DNAH3: variants seen among roughly 807,000 people sequenced by gnomAD.
The protein encoded by DNAH3 is dynein axonemal heavy chain 3.
In DNAH3, 332 loss-of-function variants were observed where a neutral mutation model predicts 432.5. The ratio of observed to expected loss-of-function variants is 0.77; its 90% confidence interval spans 0.70 to 0.84. DNAH3 has a LOEUF of 0.84. DNAH3 is among the 40% of genes least tolerant of loss of function. DNAH3 has a pLI of 0.00. For missense variants in DNAH3, 4,861 were observed against 5,114.0 expected, an observed-to-expected ratio of 0.95 and a Z score of 1.51; for synonymous variants, 1,956 against 1,900.2, an observed-to-expected ratio of 1.03 and a Z score of -0.76.
At chr16:21,088,674 C>A (rs954348227) in intron 18 of DNAH3, among the ~76,000 whole-genome samples, 18 of 152,154 alleles carry the variant, frequency 1.2e-4, no homozygotes, top group African/African-American at 4.1e-4. Context: ...AATTCTAACT[C>A]TGATCTTAAA....
In DNAH3 at chr16:21,115,833, T is replaced by C. The variant is rs370040167; in HGVS notation, c.1814+1370A>G. On this transcript the variant is annotated intron_variant, in intron 12 of 61. Transcript: ENST00000261383. ...GAATAGGGAAAACAGAGGTTTCAAA[T>C]AGAATCTCCCAAATCAAATTCACGA... Among the ~76,000 whole-genome samples the C allele has an allele frequency of 9.2e-5, 14 of 152,270 alleles. No individual in the cohort carries two copies. The South Asian group carries it at 2.7e-3, about 29-fold the overall frequency.
At chr16:21,048,734 C>A (rs1428626928) in intron 31 of DNAH3, among the ~76,000 whole-genome samples, 1 of 151,766 alleles carries the variant, frequency 6.6e-6, no homozygotes, top group Non-Finnish European at 1.5e-5. Flanking sequence ...GAGTTTCACT[C>A]CCAGCCTGGA....
intron 25 of DNAH3, among the ~76,000 whole-genome samples, chr16:21,060,887 G>C (rs2090335338): frequency 6.8e-6 from 1 of 146,640 alleles, no homozygotes; most frequent in Non-Finnish European, 1.5e-5. Flanking sequence ...ATCCAGACTG[G>C]AGTGCGGTGG....
rs1032440867 is a variant in DNAH3 at position 21,140,522 on chromosome 16, C to T, written c.696+14G>A. The T allele has an allele frequency of 4.3e-6, 7 of 1,610,852 alleles. No individual in the cohort carries two copies. Among genetic ancestry groups the T allele is most frequent in the African/African-American group, 2.7e-5 (2 of 74,834 alleles). On this transcript the variant is annotated intron_variant, in intron 5 of 61. Transcript: ENST00000261383. ...CCTCAGCAAACCGAGGGAAAGGGGGCAACAGGAACGTACCTCCAGGTCCGA... is the reference window on the plus strand; with the variant it reads ...CCTCAGCAAACCGAGGGAAAGGGGGTAACAGGAACGTACCTCCAGGTCCGA...
At chr16:20,987,211 G>C in intron 47 of DNAH3, 94 bp downstream of exon 47, 1 of 1,475,734 alleles carries the variant, frequency 6.8e-7, no homozygotes. Flanking sequence ...AGAGCTGGCA[G>C]TCTCCAACAG....
intron 40 of DNAH3, among the ~76,000 whole-genome samples, chr16:21,020,125 A>C (rs539780930): frequency 7.4e-5 from 11 of 149,328 alleles, no homozygotes; most frequent in Non-Finnish European, 1.3e-4. Flanking sequence ...GGCTCAAGTG[A>C]TCTTTCCACC....
chr16:20,981,819 G>T (rs1205157230), intron 49 of DNAH3, among the ~76,000 whole-genome samples: 1 of 151,790 alleles, frequency 6.6e-6, no homozygotes, highest in Non-Finnish European at 1.5e-5. Context: ...AACAGAGGTA[G>T]ACAAGGTTGA....
At chr16:21,067,933 T>C (rs1035033287) in intron 23 of DNAH3, among the ~76,000 whole-genome samples, 2 of 152,078 alleles carry the variant, frequency 1.3e-5, no homozygotes, top group African/African-American at 2.4e-5. Context: ...TTGGGTTCCA[T>C]GAGACACCCA....
intron 49 of DNAH3, among the ~76,000 whole-genome samples, chr16:20,980,382 G>A (rs2085842328): frequency 8.0e-6 from 1 of 124,836 alleles, no homozygotes; most frequent in African/African-American, 2.8e-5. Context: ...ATGTGGGGGG[G>A]GAGAGAGAGA....
At chr16:21,093,887 C>T (rs947030289) in intron 18 of DNAH3, among the ~76,000 whole-genome samples, 1 of 151,962 alleles carries the variant, frequency 6.6e-6, no homozygotes, top group Non-Finnish European at 1.5e-5. Flanking sequence ...TTGAACTAAG[C>T]CTCGTATTTT....
At chr16:20,977,968 C>A (rs2085672195) in intron 50 of DNAH3, among the ~76,000 whole-genome samples, 1 of 152,192 alleles carries the variant, frequency 6.6e-6, no homozygotes, top group South Asian at 2.1e-4. Context: ...TCTCTCCCAT[C>A]CCTGCATTGC....
At chr16:20,964,819 T>C in exon 53 of DNAH3, 1 of 1,614,106 alleles carries the variant, frequency 6.2e-7, no homozygotes, top group Middle Eastern at 1.6e-4. Flanking sequence ...CAACCACTGA[T>C]TTTGGCACTG....
At chr16:21,141,171 T>G in intron 4 of DNAH3, 129 bp downstream of exon 5, 1 of 723,134 alleles carries the variant, frequency 1.4e-6, no homozygotes, top group Non-Finnish European at 2.2e-6. Context: ...ATTAAAGTGA[T>G]TCGTGGATAA....
intron 18 of DNAH3, among the ~76,000 whole-genome samples, chr16:21,091,278 C>A (rs1167044469): frequency 6.6e-6 from 1 of 151,816 alleles, no homozygotes; most frequent in Non-Finnish European, 1.5e-5. Flanking sequence ...TTGATTTAAT[C>A]TTTCTATGAT....
intron 47 of DNAH3, 48 bp from the exon 48 acceptor site, chr16:20,985,763 C>A: frequency 6.3e-7 from 1 of 1,580,036 alleles, no homozygotes; most frequent in Non-Finnish European, 8.6e-7. Flanking sequence ...ATGGCCCAGC[C>A]AGGCTGGTAG....
intron 14 of DNAH3, among the ~76,000 whole-genome samples, chr16:21,108,374 T>C (rs373272455): frequency 1.3e-5 from 2 of 152,198 alleles, no homozygotes; most frequent in South Asian, 4.1e-4. Flanking sequence ...TAAGGCACCA[T>C]GTTGCTTTGA....
chr16:20,989,703 G>C (rs2086444180), intron 44 of DNAH3, among the ~76,000 whole-genome samples: 1 of 152,256 alleles, frequency 6.6e-6, no homozygotes, highest in African/African-American at 2.4e-5. Flanking sequence ...GGTGGTGCTC[G>C]TCGGGGAGGC....
rs373700428 is a variant in DNAH3, at chr16:21,148,286, A to C, written c.118-2198T>G. Among the ~76,000 whole-genome samples, 2 of 152,290 alleles carry C rather than the reference A, an allele frequency of 1.3e-5. 1 individual carries two copies. Among genetic ancestry groups the C allele is most frequent in the East Asian group, 3.9e-4 (2 of 5,190 alleles). Reference sequence around the variant, plus strand: ...CTATCTACCATTATTCCAAACGATTATGTGCCAGGTACTGTACAACCTCAT... The same window carrying C: ...CTATCTACCATTATTCCAAACGATTCTGTGCCAGGTACTGTACAACCTCAT... On this transcript the variant is annotated intron_variant, in intron 1 of 61. Coordinates refer to ENST00000261383, the Ensembl canonical transcript of DNAH3.
At chr16:21,081,690 T>G (rs1274808508) in exon 20 of DNAH3, 3 of 1,614,026 alleles carry the variant, frequency 1.9e-6, no homozygotes, top group South Asian at 2.2e-5. Context: ...GCAGGTCGTT[T>G]CGGTGGGCTT....
Sources: gnomAD v4.1 joint callset for allele counts (sites outside exome capture counted in the v4.1 genomes callset) on GRCh38, gnomAD v4.1.1 for gene constraint, MANE v1.5 for transcripts, NCBI Gene and HGNC (gene_info 2026-07-23, HGNC 2026-07-21) for gene names.